The following TPM4 variants were observed in gnomAD, a reference collection of about 807,000 sequenced individuals.
The protein encoded by TPM4 is tropomyosin 4, also known as tropomyosin alpha-4 chain.
TPM4 carries 17 observed loss-of-function variants against 35.8 expected under a neutral mutation model. The observed-to-expected ratio is 0.47, with a 90% CI of 0.32 to 0.71. The LOEUF is 0.71. Among genes scored for constraint, TPM4 ranks in the 30% least tolerant of loss-of-function variants. The probability of loss-of-function intolerance (pLI) is 0.03; values close to 1 mark genes in which losing one functional copy is unlikely to be tolerated. For missense variants in TPM4, 240 were observed against 320.9 expected (o/e 0.75, Z 1.93); for synonymous variants, 120 against 122.9 (o/e 0.98, Z 0.15).
At chr19:16,072,751 A>G (rs2090366611), upstream of TPM4, among the ~76,000 whole-genome samples, 1 of 152,096 alleles carries the variant, frequency 6.6e-6, no homozygotes, top group Non-Finnish European at 1.5e-5. Context: ...TACAAAAAAT[A>G]CAAAAATTAA....
intron 5 of TPM4, among the ~76,000 whole-genome samples, 196 bp downstream of exon 5, chr19:16,089,316 G>T (rs952242506): frequency 1.3e-5 from 2 of 152,144 alleles, no homozygotes; most frequent in Non-Finnish European, 2.9e-5. Flanking sequence ...CTTCCATGGG[G>T]TCTGAGCACC....
In TPM4 at chr19:16,081,984, A is replaced by T. The variant is rs775758069; in HGVS notation, c.204A>T (p.Glu68Asp). ...AGGAGGAGTTGGACAGGGCTCAGGA[A>T]CGACTGGCCACGGCCCTGCAGAAGC... ...LVEEELDRAQ[E>D]RLATALQKLE... The change falls in exon 2 of 8, where the codon GAA becomes GAT. Residue 68 changes from glutamate to aspartate, a missense_variant. Coordinates refer to ENST00000643579, the MANE Select transcript of TPM4 (RefSeq NM_003290.3). The T allele has an allele frequency of 1.9e-6, 3 of 1,611,816 alleles. No individual in the cohort carries two copies. In the South Asian group the frequency reaches 3.3e-5, roughly 18 times the overall value.
intron 7 of TPM4, chr19:16,099,717 C>T (rs2090742556): frequency 6.6e-6 from 1 of 152,090 alleles, no homozygotes; most frequent in Non-Finnish European, 1.5e-5. Flanking sequence ...TGGCCTTGTC[C>T]CTTATCAGCC....
rs574462451 is a variant in TPM4, at chr19:16,070,961, T to C, written c.114+3223T>C. 6.6e-6 allele frequency among the ~76,000 whole-genome samples: 1 copy of C among 152,230 alleles called. No individual in the cohort carries two copies. Among genetic ancestry groups the C allele is most frequent in the Non-Finnish European group, 1.5e-5 (1 of 68,014 alleles). On this transcript the variant is annotated intron_variant, in intron 2 of 2. Transcript: ENST00000589897. This position sits in a 1 kb window ranked among gnomAD's most constrained non-coding sequence, Gnocchi z 7.4. ...GCCAGAGATTCGGAGAGAAACAAGT[T>C]TATAGCACTAATTCTTACTAAGGTG...
chr19:16,088,056 T>G lies in TPM4; in HGVS notation c.414T>G (p.Gly138=). 1 of 1,611,962 alleles carries G rather than the reference T, an allele frequency of 6.2e-7. No homozygotes were observed. Among genetic ancestry groups the G allele is most frequent in the South Asian group, 1.1e-5 (1 of 90,530 alleles). Residue 138 remains glycine (G), a synonymous_variant, in exon 4 of 8, where the codon GGT becomes GGG. Transcript: ENST00000643579. The part of the protein sequence containing the change: ...EVARKLVILE[G]ELERAEERAE... ...CTCGTAAGCTGGTCATCCTGGAGGGTGAGCTGGAGAGGGCAGAGGAGCGTG... is the reference window on the plus strand; with the variant it reads ...CTCGTAAGCTGGTCATCCTGGAGGGGGAGCTGGAGAGGGCAGAGGAGCGTG...
chr19:16,095,518 C>T lies in TPM4; in HGVS notation c.664+1765C>T, dbSNP rs147573709. The T allele has an allele frequency of 6.5e-5, 66 of 1,018,104 alleles. No individual in the cohort carries two copies. In the East Asian group the frequency reaches 4.1e-3, roughly 64 times the overall value. The allele number at this position is 1,018,104 out of a possible 1,614,324, so 63.1% of individuals were successfully genotyped here. ...ACGGGCAGTCCTCCTCTTCATGCCC[C>T]CTCATTCTCATTTTCTCCACTTGCT... is the stretch of plus-strand genomic sequence containing the variant. On this transcript the variant is annotated intron_variant, in intron 7 of 7. Transcript: ENST00000643579.
At chr19:16,073,441 G>A (rs1324656769), upstream of TPM4, among the ~76,000 whole-genome samples, 1 of 152,208 alleles carries the variant, frequency 6.6e-6, no homozygotes, top group African/African-American at 2.4e-5. Context: ...GCAGCTGCCG[G>A]AATGCTCAGA....
At chr19:16,086,153 G>C (rs550645207) in intron 2 of TPM4, among the ~76,000 whole-genome samples, 5 of 151,270 alleles carry the variant, frequency 3.3e-5, no homozygotes, top group Non-Finnish European at 5.9e-5. Context: ...AGTAGATTCA[G>C]AGACTCATTT....
At chr19:16,087,422 C>T (rs745961163) in intron 3 of TPM4, among the ~76,000 whole-genome samples, 1 of 151,994 alleles carries the variant, frequency 6.6e-6, no homozygotes, top group East Asian at 1.9e-4. Context: ...ACAAAAAATA[C>T]AAAAATTAGC....
In TPM4 at chr19:16,102,078, C is replaced by T. The variant is rs929191805; in HGVS notation, c.*732C>T. ...TCTAAAGTTGTTCCCTGGCCGGGAG[C>T]GTTGGCTTTCGCCTGTAATCCCAAC... On this transcript the variant is annotated 3_prime_UTR_variant, in exon 8 of 8. Transcript: ENST00000643579. The T allele has an allele frequency of 1.7e-4, 34 of 202,108 alleles. No individual in the cohort carries two copies. Among genetic ancestry groups the T allele is most frequent in the East Asian group, 3.1e-4 (4 of 13,088 alleles). 12.5% of individuals were successfully genotyped at this position (202,108 alleles called of 1,614,324 possible).
intron 5 of TPM4, among the ~76,000 whole-genome samples, chr19:16,089,701 C>G (rs1408311611): frequency 6.8e-6 from 1 of 147,252 alleles, no homozygotes; most frequent in Non-Finnish European, 1.5e-5. Flanking sequence ...CAGAGCTTCG[C>G]TCTGTTGCCC....
intron 2 of TPM4, among the ~76,000 whole-genome samples, chr19:16,082,257 C>G (rs1044739318): frequency 1.3e-5 from 2 of 152,166 alleles, no homozygotes; most frequent in Admixed American, 1.3e-4. Flanking sequence ...GCCTGTAATC[C>G]CAGCACTTTG....
intron 4 of TPM4, chr19:16,088,611 G>A: frequency 9.6e-7 from 1 of 1,037,182 alleles, no homozygotes; most frequent in Middle Eastern, 4.8e-4. Flanking sequence ...AGAGCATCCG[G>A]GAGTGCTGAG....
intron 3 of TPM4, 61 bp downstream of exon 3, chr19:16,086,601 T>A: frequency 7.0e-7 from 1 of 1,424,954 alleles, no homozygotes; most frequent in Non-Finnish European, 9.7e-7. Context: ...TCTGCTGAGA[T>A]AGGGAGGACA....
chr19:16,087,017 C>T (rs947203011), intron 3 of TPM4, among the ~76,000 whole-genome samples: 6 of 152,136 alleles, frequency 3.9e-5, no homozygotes, highest in South Asian at 2.1e-4. Context: ...CGCGGTGGCT[C>T]GTACCTGTAA....
chr19:16,086,136 A>G (rs2090548639), intron 2 of TPM4, among the ~76,000 whole-genome samples: 1 of 150,334 alleles, frequency 6.7e-6, no homozygotes, highest in Non-Finnish European at 1.5e-5. Flanking sequence ...AGTGTGTTAC[A>G]GTGCTCAGTA....
chr19:16,073,955 A>ACG (rs1230049020), upstream of TPM4, among the ~76,000 whole-genome samples: 1 of 121,922 alleles, frequency 8.2e-6, no homozygotes, highest in Non-Finnish European at 1.7e-5. Context: ...AAAAAAAAAA[A>ACG]AAAAACGCAA....
intron 7 of TPM4, 76 bp downstream of exon 7, chr19:16,093,829 G>A: frequency 6.5e-7 from 1 of 1,541,324 alleles, no homozygotes; most frequent in African/African-American, 1.4e-5. Flanking sequence ...GTTGGGGAAT[G>A]TTTGTGGAGG....
At chr19:16,081,427 T>C (rs2090481693) in intron 1 of TPM4, 1 of 182,102 alleles carries the variant, frequency 5.5e-6, no homozygotes, top group East Asian at 1.2e-4. Context: ...GACGGAGTCT[T>C]GCTCTGTCAC....
Sources: allele counts gnomAD v4.1 joint callset (sites outside exome capture counted in the v4.1 genomes callset), GRCh38; gene constraint gnomAD v4.1.1; non-coding constraint Gnocchi (gnomAD v3.1); transcripts MANE v1.5; gene names NCBI Gene and HGNC (gene_info 2026-07-23, HGNC 2026-07-21).